The following ABCB1 variants were observed in gnomAD, a reference collection of about 807,000 sequenced individuals.
ABCB1 encodes ATP-dependent translocase ABCB1.
ABCB1 carries 69 observed loss-of-function variants against 142.0 expected under a neutral mutation model. The ratio of observed to expected loss-of-function variants is 0.49; its 90% CI spans 0.40 to 0.59. The LOEUF is 0.59. ABCB1 is among the 20% of genes least tolerant of loss of function. The pLI is 0.00. For missense variants in ABCB1, 1,326 were observed against 1,554.7 expected (o/e 0.85, Z 2.47); for synonymous variants, 532 against 539.2 (o/e 0.99, Z 0.18).
In ABCB1 at chr7:87,544,809, A is replaced by T; in HGVS notation, c.2064+14T>A. ...TTAGTGAGATTAAAACAAACTCCGC[A>T]TCTCCCTTCATACCAGAGCCTCTTT... is the stretch of plus-strand genomic sequence containing the variant. On this transcript the variant is annotated intron_variant, in intron 16 of 27. Transcript: ENST00000622132. The T allele has an allele frequency of 6.2e-7, 1 of 1,613,818 alleles. No homozygotes were observed. The highest frequency in any genetic ancestry group is 1.3e-5 in the African/African-American group (1 of 75,030).
intron 1 of ABCB1, among the ~76,000 whole-genome samples, chr7:87,622,969 A>T (rs1234560574): frequency 6.6e-6 from 1 of 152,184 alleles, no homozygotes; most frequent in Non-Finnish European, 1.5e-5. Context: ...CCTTGAGCCC[A>T]GGAGTTCAAG....
intron 25 of ABCB1, among the ~76,000 whole-genome samples, chr7:87,512,191 T>C (rs573101678): frequency 1.9e-5 from 1 of 53,692 alleles, no homozygotes. Context: ...AAAAAAAAAA[T>C]TTTTTTTTTT....
At chr7:87,646,425 T>G (rs1823009901) in intron 1 of ABCB1, among the ~76,000 whole-genome samples, 1 of 152,192 alleles carries the variant, frequency 6.6e-6, no homozygotes, top group Non-Finnish European at 1.5e-5. Flanking sequence ...TTTTGATGAA[T>G]TAAGCACTTT....
chr7:87,646,973 G>A (rs765188224), intron 1 of ABCB1, among the ~76,000 whole-genome samples: 3 of 152,072 alleles, frequency 2.0e-5, no homozygotes, highest in Non-Finnish European at 4.4e-5. Flanking sequence ...ATTCCATTGA[G>A]CTCCAGTTGC....
chr7:87,550,944 G>A (rs1817037972), intron 9 of ABCB1, 106 bp from the exon 10 acceptor site: 2 of 734,034 alleles, frequency 2.7e-6, no homozygotes, highest in Non-Finnish European at 4.9e-6. Context: ...ATTTAAAATG[G>A]CGAGGCAACA....
At chr7:87,551,528 G>T (rs2129718350) in intron 9 of ABCB1, among the ~76,000 whole-genome samples, 1 of 152,184 alleles carries the variant, frequency 6.6e-6, no homozygotes, top group African/African-American at 2.4e-5. Flanking sequence ...GTCTTGCTTT[G>T]TTGCCCAGCC....
chr7:87,623,305 A>G (rs555619952), intron 1 of ABCB1, among the ~76,000 whole-genome samples: 2 of 152,334 alleles, frequency 1.3e-5, no homozygotes, highest in East Asian at 3.9e-4. Context: ...TTTTAAAAAG[A>G]AAAATATCCT....
In ABCB1 at chr7:87,537,898, C is replaced by T. The variant is rs983523358; in HGVS notation, c.2398-1357G>A. Among the ~76,000 whole-genome samples, 11 of 152,090 alleles carry T rather than the reference C, an allele frequency of 7.2e-5. 1 individual carries two copies. The highest frequency in any genetic ancestry group is 3.3e-4 in the Admixed American group (5 of 15,266). On this transcript the variant is annotated intron_variant, in intron 19 of 27. Transcript: ENST00000622132. ...AGAAGTTATCTAAACTGGTTATTTACATTAAAGAAGTATCTATCATTTTTC... is the reference window on the plus strand; with the variant it reads ...AGAAGTTATCTAAACTGGTTATTTATATTAAAGAAGTATCTATCATTTTTC...
rs540870467 is a variant in ABCB1, at chr7:87,509,211, A to T, written c.3489+64T>A. ...CTTCTGGGAGACCAGCCCCTTATAAATCAAACTATAGGCCAGAGAGGCTGC... is the reference window on the plus strand; with the variant it reads ...CTTCTGGGAGACCAGCCCCTTATAATTCAAACTATAGGCCAGAGAGGCTGC... On this transcript the variant is annotated intron_variant, in intron 26 of 27. Transcript: ENST00000622132. The T allele has an allele frequency of 7.1e-6, 11 of 1,558,606 alleles. No homozygotes were observed. The South Asian group carries it at 1.2e-4, about 17-fold the overall frequency.
intron 21 of ABCB1, among the ~76,000 whole-genome samples, chr7:87,527,237 T>G (rs1260052342): frequency 1.3e-5 from 2 of 152,164 alleles, no homozygotes; most frequent in Admixed American, 1.3e-4. Context: ...TAATTTGAAT[T>G]GACTTTGCTT....
rs1584902218 is a variant in ABCB1, at chr7:87,585,424, G to T, written c.286+88C>A. 1 of 1,331,994 alleles carries T rather than the reference G, an allele frequency of 7.5e-7. No homozygotes were observed. 82.5% of individuals were successfully genotyped at this position (1,331,994 alleles called of 1,614,324 possible). A position where few individuals can be genotyped will look rare whatever the true frequency, so the allele number is the denominator to read the frequency against. ...CCTACAGGACTAAACACACTAATGT[G>T]TATTTAGTAAAGAATCCATAAACAT... On this transcript the variant is annotated intron_variant, in intron 4 of 27. Transcript: ENST00000622132.
At chr7:87,561,429 A>T in intron 7 of ABCB1, 42 bp from the exon 8 acceptor site, 1 of 1,559,134 alleles carries the variant, frequency 6.4e-7, no homozygotes, top group Non-Finnish European at 8.8e-7. Flanking sequence ...AAAACACGTT[A>T]ATTTTATCTT....
intron 21 of ABCB1, among the ~76,000 whole-genome samples, chr7:87,527,346 CA>C (rs1247444195): frequency 6.6e-6 from 1 of 152,162 alleles, no homozygotes; most frequent in Non-Finnish European, 1.5e-5. Flanking sequence ...ATGTATTGTA[CA>C]AAAAGTGCAA....
At chr7:87,514,517 A>G (rs1339908535) in intron 25 of ABCB1, among the ~76,000 whole-genome samples, 1 of 151,960 alleles carries the variant, frequency 6.6e-6, no homozygotes, top group Non-Finnish European at 1.5e-5. Flanking sequence ...TTTTCCTCAG[A>G]TGATGTTTCA....
intron 7 of ABCB1, among the ~76,000 whole-genome samples, chr7:87,565,653 T>C (rs1296289774): frequency 6.6e-6 from 1 of 151,940 alleles, no homozygotes; most frequent in Non-Finnish European, 1.5e-5. Context: ...AAAAAAATGT[T>C]AATTGAATGG....
At chr7:87,660,749 T>A (rs1824620433) in intron 1 of ABCB1, among the ~76,000 whole-genome samples, 1 of 152,010 alleles carries the variant, frequency 6.6e-6, no homozygotes, top group Non-Finnish European at 1.5e-5. Flanking sequence ...AAATTTATGT[T>A]TGAGTAATGT....
chr7:87,576,275 T>C (rs187900703), intron 4 of ABCB1, among the ~76,000 whole-genome samples: 187 of 151,930 alleles, frequency 1.2e-3, no homozygotes, highest in African/African-American at 4.2e-3. Flanking sequence ...TATTATGGTC[T>C]TAGAAAACTG....
intron 1 of ABCB1, among the ~76,000 whole-genome samples, chr7:87,614,277 T>G (rs1819956584): frequency 6.6e-6 from 1 of 152,054 alleles, no homozygotes; most frequent in African/African-American, 2.4e-5. Flanking sequence ...TGCACCTGTA[T>G]TCTTAGCTAC....
chr7:87,539,316 G>T lies in ABCB1; in HGVS notation c.2349C>A (p.Ile783=). The T allele has an allele frequency of 6.2e-7, 1 of 1,614,160 alleles. No homozygotes were observed. The highest frequency in any genetic ancestry group is 8.5e-7 in the Non-Finnish European group (1 of 1,179,992). ...QGFTFGKAGE[I]LTKRLRYMVF... ...CCATGTATCGGAGCCGCTTGGTGAG[G>T]ATCTCTCCAGCTTTGCCAAATGTGA... The change falls in exon 19 of 28, where the codon ATC becomes ATA. Residue 783 remains isoleucine (I), a synonymous_variant. Coordinates refer to ENST00000622132, the MANE Select transcript of ABCB1 (RefSeq NM_001348946.2).
Sources: allele counts gnomAD v4.1 joint callset (sites outside exome capture counted in the v4.1 genomes callset), GRCh38; gene constraint gnomAD v4.1.1; transcripts MANE v1.5; gene names NCBI Gene and HGNC (gene_info 2026-07-23, HGNC 2026-07-21).